Variants in AGMO observed in about 807,000 individuals in gnomAD.
AGMO encodes glyceryl-ether monooxygenase.
AGMO carries 75 observed loss-of-function variants against 60.2 expected under a neutral mutation model. The ratio of observed to expected loss-of-function variants is 1.25; its 90% CI spans 1.03 to 1.51. AGMO has a LOEUF of 1.51. AGMO is among the 40% of genes most tolerant of loss of function. The pLI is 0.00. For synonymous variants in AGMO, 261 were observed against 177.1 expected (o/e 1.47, Z -3.76); for missense variants, 763 against 525.5 (o/e 1.45, Z -4.42).
chr7:15,209,886 T>C (rs1781539063), intron 12 of AGMO, among the ~76,000 whole-genome samples: 1 of 152,166 alleles, frequency 6.6e-6, no homozygotes, highest in African/African-American at 2.4e-5. Context: ...CCCAGCTGTT[T>C]TCAATAAGAC....
intron 3 of AGMO, among the ~76,000 whole-genome samples, chr7:15,538,493 C>T (rs571506192): frequency 5.3e-5 from 8 of 152,148 alleles, no homozygotes; most frequent in African/African-American, 1.9e-4. Context: ...CTTGGTCTCC[C>T]TAGGCGCTGA....
intron 12 of AGMO, among the ~76,000 whole-genome samples, chr7:15,209,428 A>G (rs1246682009): frequency 6.6e-6 from 1 of 152,222 alleles, no homozygotes; most frequent in African/African-American, 2.4e-5. Flanking sequence ...TGTTTACAGA[A>G]ATCACAGAGA....
intron 8 of AGMO, among the ~76,000 whole-genome samples, chr7:15,388,000 T>G (rs973614953): frequency 7.9e-5 from 12 of 151,218 alleles, no homozygotes; most frequent in African/African-American, 2.9e-4. Flanking sequence ...CTCTGCCTCC[T>G]GGGTTCAAGT....
intron 12 of AGMO, among the ~76,000 whole-genome samples, chr7:15,270,662 A>G (rs1011339521): frequency 5.6e-5 from 4 of 71,212 alleles, no homozygotes; most frequent in Non-Finnish European, 8.2e-5. Context: ...TTTGGGTTTA[A>G]TTAAGTCCCA....
At chr7:15,498,758 A>G (rs550532052) in intron 3 of AGMO, among the ~76,000 whole-genome samples, 1 of 152,118 alleles carries the variant, frequency 6.6e-6, no homozygotes, top group South Asian at 2.1e-4. Flanking sequence ...TGTAAATGGT[A>G]TCTGGTTTCT....
At chr7:15,383,594 T>C (rs967844170) in intron 10 of AGMO, among the ~76,000 whole-genome samples, 27 of 152,146 alleles carry the variant, frequency 1.8e-4, no homozygotes, top group African/African-American at 6.0e-4. Context: ...ACTAAAATAA[T>C]TCCATAGGTC....
chr7:15,357,190 C>CGT (rs36124819), intron 12 of AGMO, among the ~76,000 whole-genome samples: 23,053 of 144,292 alleles, frequency 0.16, 1,860 homozygotes, highest in Admixed American at 0.17. Context: ...TATGAATATT[C>CGT]GTGTGTGTGT....
At chr7:15,466,398 A>G (rs978295424) in intron 3 of AGMO, among the ~76,000 whole-genome samples, 1 of 152,138 alleles carries the variant, frequency 6.6e-6, no homozygotes, top group Admixed American at 6.6e-5. Context: ...TAATGATATA[A>G]TGTAGTTAAT....
the AGMO span, among the ~76,000 whole-genome samples, chr7:15,139,820 CAA>C: frequency 0.14 from 9,197 of 66,246 alleles, 420 homozygotes; most frequent in African/African-American, 0.21. Flanking sequence ...TCTCAAAAGA[CAA>C]AAAAAAAAAA....
chr7:15,458,863 A>T (rs970057049), intron 3 of AGMO, among the ~76,000 whole-genome samples: 1 of 152,124 alleles, frequency 6.6e-6, no homozygotes, highest in Non-Finnish European at 1.5e-5. Flanking sequence ...CTCTACCACC[A>T]TTGCAAGATG....
intron 2 of AGMO, among the ~76,000 whole-genome samples, chr7:15,555,286 TATATATACACACAC>T (rs1785099350): frequency 1.0e-5 from 1 of 100,394 alleles, no homozygotes; most frequent in Non-Finnish European, 1.8e-5. Flanking sequence ...TATATATATA[TATATATACACACAC>T]ACACACACAC....
chr7:15,168,469 G>A, the AGMO span, among the ~76,000 whole-genome samples: 1 of 152,328 alleles, frequency 6.6e-6, no homozygotes, highest in Admixed American at 6.5e-5. Flanking sequence ...GCCAGCATGT[G>A]CTGCCCAAAT....
chr7:15,162,103 G>A, the AGMO span, among the ~76,000 whole-genome samples: 14 of 151,946 alleles, frequency 9.2e-5, no homozygotes, highest in Non-Finnish European at 1.8e-4. Flanking sequence ...AAAAATGGAA[G>A]TTTCCCCTGT....
chr7:15,194,659 A>C, the AGMO span, among the ~76,000 whole-genome samples: 34 of 152,318 alleles, frequency 2.2e-4, no homozygotes, highest in African/African-American at 7.5e-4. Context: ...TATGTTTAGC[A>C]TAAGTTTTAT....
intron 12 of AGMO, among the ~76,000 whole-genome samples, chr7:15,337,127 G>C (rs563295673): frequency 6.6e-6 from 1 of 152,144 alleles, no homozygotes; most frequent in Admixed American, 6.6e-5. Context: ...GTGGGATAAG[G>C]AGCAAGGACT....
intron 12 of AGMO, among the ~76,000 whole-genome samples, chr7:15,263,441 T>C (rs185018957): frequency 6.6e-6 from 1 of 151,912 alleles, no homozygotes. Context: ...ATAGATGTGG[T>C]AAAAAGGGAA....
intron 2 of AGMO, among the ~76,000 whole-genome samples, chr7:15,548,219 A>G (rs542694462): frequency 1.1e-4 from 16 of 152,284 alleles, no homozygotes; most frequent in Admixed American, 3.3e-4. Context: ...ATGGGGAAAA[A>G]ACAGAACAGA....
At chr7:15,354,962 G>C (rs895300027) in intron 12 of AGMO, among the ~76,000 whole-genome samples, 3 of 152,004 alleles carry the variant, frequency 2.0e-5, no homozygotes, top group African/African-American at 7.2e-5. Context: ...CTAGGATGAA[G>C]TGGCTTATGC....
intron 5 of AGMO, chr7:15,395,965 G>A (rs1010127824): frequency 2.6e-5 from 4 of 152,102 alleles, no homozygotes; most frequent in Non-Finnish European, 5.9e-5. Flanking sequence ...TGGCAATGTT[G>A]CCACATATCA....
Sources: allele counts gnomAD v4.1 joint callset (sites outside exome capture counted in the v4.1 genomes callset), GRCh38; gene constraint gnomAD v4.1.1; transcripts MANE v1.5; gene names NCBI Gene and HGNC (gene_info 2026-07-23, HGNC 2026-07-21).